TMC1: variants seen among roughly 807,000 people sequenced by gnomAD.
TMC1 encodes transmembrane channel like 1.
TMC1 carries 84 observed loss-of-function variants against 105.8 expected under a neutral mutation model. The ratio of observed to expected loss-of-function variants is 0.79; its 90% CI spans 0.67 to 0.95. The LOEUF is 0.95. Among genes scored for constraint, TMC1 ranks in the 40% least tolerant of loss-of-function variants. The pLI, the probability that TMC1 is intolerant of heterozygous loss-of-function variation, is 0.00. For synonymous variants in TMC1, 315 were observed against 311.5 expected, an observed-to-expected ratio of 1.01 and a Z score of -0.12; for missense variants, 817 against 914.1, an observed-to-expected ratio of 0.89 and a Z score of 1.37.
chr9:72,537,173 A>G (rs1823599321), intron 1 of TMC1, among the ~76,000 whole-genome samples: 1 of 152,192 alleles, frequency 6.6e-6, no homozygotes, highest in Non-Finnish European at 1.5e-5. Context: ...AGCACAGGGC[A>G]GTGGTACCCC....
chr9:72,751,727 A>C (rs1172390983), intron 10 of TMC1, 123 bp from the exon 11 acceptor site: 2 of 716,100 alleles, frequency 2.8e-6, no homozygotes, highest in Admixed American at 2.1e-5. Context: ...ATAGCCTATA[A>C]ATATAAAAAG....
chr9:72,837,308 T>A lies in TMC1; in HGVS notation c.*1335T>A, dbSNP rs184218502. On this transcript the variant is annotated 3_prime_UTR_variant, in exon 24 of 24. Coordinates refer to ENST00000297784, the MANE Select transcript of TMC1 (RefSeq NM_138691.3). ...TCCGGCTCAGGTGTTTTCTATCTAT[T>A]GGGAGACTGTCTTTCCCTAGCACTG... The A allele has an allele frequency of 6.6e-6, 1 of 152,292 alleles. No homozygotes were observed. The allele number at this position is 152,292 out of a possible 1,614,324, so 9.4% of individuals were successfully genotyped here.
At chr9:72,620,478 T>C (rs1268923883) in intron 3 of TMC1, among the ~76,000 whole-genome samples, 1 of 152,080 alleles carries the variant, frequency 6.6e-6, no homozygotes, top group African/African-American at 2.4e-5. Flanking sequence ...CTTGAATGCC[T>C]GGACTCAAGT....
chr9:72,716,968 G>C (rs536106828), intron 8 of TMC1, among the ~76,000 whole-genome samples: 1 of 152,184 alleles, frequency 6.6e-6, no homozygotes, highest in Non-Finnish European at 1.5e-5. Context: ...TATCTGGGCC[G>C]GTGTATGTGG....
At chr9:72,559,220 G>A (rs1241897988) in intron 1 of TMC1, among the ~76,000 whole-genome samples, 1 of 151,728 alleles carries the variant, frequency 6.6e-6, no homozygotes, top group Non-Finnish European at 1.5e-5. Context: ...TCAGCCTCCT[G>A]AGTAGCTGGG....
intron 18 of TMC1, among the ~76,000 whole-genome samples, chr9:72,806,059 G>A (rs1014159164): frequency 6.6e-6 from 1 of 152,086 alleles, no homozygotes; most frequent in African/African-American, 2.4e-5. Context: ...GAGCTGTTGG[G>A]CACACCTCCC....
At chr9:72,639,968 A>T (rs1017574056) in intron 4 of TMC1, among the ~76,000 whole-genome samples, 7 of 152,232 alleles carry the variant, frequency 4.6e-5, no homozygotes, top group African/African-American at 9.6e-5. Context: ...CAAAGAACCA[A>T]TTTCATAGCC....
Position 72,751,407 on chromosome 9 carries a change from G to T in TMC1, c.536-443G>T, listed in dbSNP as rs534768196. Among the ~76,000 whole-genome samples, 10 of 152,338 alleles carry T rather than the reference G, an allele frequency of 6.6e-5. No individual in the cohort carries two copies. The South Asian group carries it at 2.1e-3, about 32-fold the overall frequency. Reference sequence around the variant, plus strand: ...ACTCTTTTTGAGAAGAACATTGTTTGCCTGAGAAAAGGAAGAGAAAATAGC... The same window carrying T: ...ACTCTTTTTGAGAAGAACATTGTTTTCCTGAGAAAAGGAAGAGAAAATAGC... On this transcript the variant is annotated intron_variant, in intron 10 of 23. Coordinates refer to ENST00000297784, the MANE Select transcript of TMC1 (RefSeq NM_138691.3).
intron 13 of TMC1, among the ~76,000 whole-genome samples, chr9:72,779,466 A>T (rs1005757228): frequency 6.6e-6 from 1 of 152,238 alleles, no homozygotes; most frequent in Non-Finnish European, 1.5e-5. Flanking sequence ...GGCAATGAAG[A>T]TTGTTGAGAT....
chr9:72,700,684 T>C, intron 8 of TMC1, 41 bp downstream of exon 8: 2 of 1,434,560 alleles, frequency 1.4e-6, no homozygotes, highest in South Asian at 2.3e-5. Flanking sequence ...CTTTCCCTGA[T>C]ATTGATTTTC....
chr9:72,616,788 A>T (rs904473473), intron 3 of TMC1, among the ~76,000 whole-genome samples: 1 of 151,924 alleles, frequency 6.6e-6, no homozygotes, highest in Non-Finnish European at 1.5e-5. Flanking sequence ...CATTCCCAAG[A>T]ACCTGCTCCC....
intron 1 of TMC1, among the ~76,000 whole-genome samples, chr9:72,577,455 G>A (rs1367640682): frequency 6.6e-6 from 1 of 152,202 alleles, no homozygotes; most frequent in African/African-American, 2.4e-5. Context: ...AATTAACACA[G>A]GTACTGGCAA....
At chr9:72,732,320 T>G (rs959296538) in intron 8 of TMC1, among the ~76,000 whole-genome samples, 15 of 152,170 alleles carry the variant, frequency 9.9e-5, no homozygotes, top group African/African-American at 3.4e-4. Context: ...CCCAGCACTT[T>G]GAGAGGCCAA....
intron 5 of TMC1, among the ~76,000 whole-genome samples, chr9:72,687,954 A>G (rs1029814055): frequency 1.3e-4 from 20 of 152,176 alleles, no homozygotes; most frequent in Non-Finnish European, 4.4e-5. Context: ...AGAAAAAAAT[A>G]TGCCAATAAA....
At position 72,648,364 on chromosome 9, in the gene TMC1, T is replaced by C. The variant is rs183050307; in HGVS notation, c.-52-233T>C. Among the ~76,000 whole-genome samples the C allele has an allele frequency of 1.1e-3, 175 of 152,310 alleles. 1 individual carries two copies. The highest frequency in any genetic ancestry group is 1.9e-3 in the Non-Finnish European group (130 of 68,032). On this transcript the variant is annotated intron_variant, in intron 4 of 23. Coordinates refer to ENST00000297784, the MANE Select transcript of TMC1 (RefSeq NM_138691.3). The stretch of plus-strand genomic sequence containing the variant: ...CCAGCTTTGCTCTGAATAGGACTTA[T>C]ATGATCAGTTTAGTTTTATTCCAAA...
chr9:72,556,109 C>T (rs934150683), intron 1 of TMC1, among the ~76,000 whole-genome samples: 3 of 148,310 alleles, frequency 2.0e-5, no homozygotes, highest in Non-Finnish European at 3.0e-5. Context: ...TTAGCCTTTT[C>T]ACCCGTGAAT....
At chr9:72,775,493 C>A (rs904642994) in intron 13 of TMC1, among the ~76,000 whole-genome samples, 1 of 152,096 alleles carries the variant, frequency 6.6e-6, no homozygotes, top group Non-Finnish European at 1.5e-5. Context: ...CCGTTAAAAA[C>A]AATTCTCTAA....
chr9:72,546,166 G>T (rs1823765796), intron 1 of TMC1, among the ~76,000 whole-genome samples: 1 of 151,966 alleles, frequency 6.6e-6, no homozygotes, highest in Admixed American at 6.6e-5. Context: ...GGTGGTGCAT[G>T]TCTGTAATCC....
At chr9:72,526,785 C>A (rs1823413662) in intron 1 of TMC1, among the ~76,000 whole-genome samples, 1 of 152,172 alleles carries the variant, frequency 6.6e-6, no homozygotes. Flanking sequence ...TTTTCCTGCT[C>A]CTGTTCTTGC....
Sources: gnomAD v4.1 joint callset for allele counts (sites outside exome capture counted in the v4.1 genomes callset) on GRCh38, gnomAD v4.1.1 for gene constraint, MANE v1.5 for transcripts, NCBI Gene and HGNC (gene_info 2026-07-23, HGNC 2026-07-21) for gene names.